ANO2: variants seen among roughly 807,000 people sequenced by gnomAD.
ANO2 encodes the protein anoctamin 2.
Under a neutral mutation model 124.2 loss-of-function variants are expected in ANO2, and 101 were observed. That is an observed-to-expected ratio of 0.81 (90% confidence interval 0.69 to 0.96). The LOEUF is 0.96. ANO2 is among the 40% of genes least tolerant of loss of function. ANO2 has a pLI of 0.00. For missense variants in ANO2, 1,293 were observed against 1,274.5 expected (o/e 1.01, Z -0.22); for synonymous variants, 486 against 482.5 (o/e 1.01, Z -0.09).
intron 20 of ANO2, among the ~76,000 whole-genome samples, chr12:5,583,428 C>T (rs1035196319): frequency 1.5e-4 from 23 of 151,756 alleles, no homozygotes; most frequent in South Asian, 1.0e-3. Context: ...CCGAGGCGGG[C>T]GGATCACAAG....
chr12:5,588,962 C>T (rs1943258558), intron 20 of ANO2, among the ~76,000 whole-genome samples: 1 of 152,160 alleles, frequency 6.6e-6, no homozygotes, highest in Non-Finnish European at 1.5e-5. Flanking sequence ...ACCTGACACC[C>T]TGGGAACATG....
At chr12:5,576,578 C>T (rs1031184002) in intron 22 of ANO2, among the ~76,000 whole-genome samples, 2 of 152,160 alleles carry the variant, frequency 1.3e-5, no homozygotes, top group Admixed American at 6.5e-5. Flanking sequence ...AACGGAGACA[C>T]AGTGGAGAAA....
chr12:5,702,627 C>G (rs557883853), intron 14 of ANO2, among the ~76,000 whole-genome samples: 1 of 151,568 alleles, frequency 6.6e-6, no homozygotes, highest in South Asian at 2.1e-4. Context: ...CTCTTCCGCA[C>G]TCTATACACA....
At chr12:5,609,391 C>T (rs1944371236) in intron 19 of ANO2, among the ~76,000 whole-genome samples, 2 of 152,026 alleles carry the variant, frequency 1.3e-5, no homozygotes, top group African/African-American at 2.4e-5. Context: ...TGAGGTTGTC[C>T]CAGTACAAGG....
intron 15 of ANO2, among the ~76,000 whole-genome samples, chr12:5,641,046 A>G (rs933597715): frequency 1.9e-4 from 29 of 152,258 alleles, no homozygotes; most frequent in Non-Finnish European, 4.0e-4. Flanking sequence ...ATGCAGCCAT[A>G]AAAATGGATG....
At chr12:5,721,824 C>G (rs1950247681) in intron 14 of ANO2, among the ~76,000 whole-genome samples, 1 of 152,168 alleles carries the variant, frequency 6.6e-6, no homozygotes, top group African/African-American at 2.4e-5. Flanking sequence ...GTTCGTTATG[C>G]AGCTGTTCCC....
At chr12:5,940,215 G>A (rs11063945) in intron 1 of ANO2, among the ~76,000 whole-genome samples, 5 of 152,076 alleles carry the variant, frequency 3.3e-5, no homozygotes, top group East Asian at 1.9e-4. Flanking sequence ...TTGCCTTCCC[G>A]TTTGATATGG....
At position 5,900,872 on chromosome 12, in the gene ANO2, C is replaced by A. The variant is rs2136281115; in HGVS notation, c.534+20168G>T. 6.6e-6 allele frequency among the ~76,000 whole-genome samples: 1 copy of A among 152,322 alleles called. No homozygotes were observed. Among genetic ancestry groups the A allele is most frequent in the African/African-American group, 2.4e-5 (1 of 41,564 alleles). ...CTCCTTGTTCTCGGCTCAGGAGACT[C>A]AGAGAAAGCCCAACAGCTGGGACAG... On this transcript the variant is annotated intron_variant, in intron 3 of 24. Coordinates refer to ENST00000682330, the MANE Select transcript of ANO2 (RefSeq NM_001364791.2). The surrounding 1 kb of genome is among the most constrained non-coding windows in gnomAD (Gnocchi z 4.2).
Position 5,799,491 on chromosome 12 carries a change from C to G in ANO2, c.1055+16G>C. On this transcript the variant is annotated intron_variant, in intron 10 of 24. Coordinates refer to ENST00000682330, the MANE Select transcript of ANO2 (RefSeq NM_001364791.2). Reference sequence around the variant, plus strand: ...CATCTCCAGGATACTTCCAAAAGTTCCCTACCACCTCTTACCTGATGAGGT... The same window carrying G: ...CATCTCCAGGATACTTCCAAAAGTTGCCTACCACCTCTTACCTGATGAGGT... 1 of 1,611,234 alleles carries G rather than the reference C, an allele frequency of 6.2e-7. No homozygotes were observed. Among genetic ancestry groups the G allele is most frequent in the South Asian group, 1.1e-5 (1 of 90,694 alleles).
At chr12:5,580,004 A>T (rs1283390650) in intron 20 of ANO2, among the ~76,000 whole-genome samples, 1 of 152,198 alleles carries the variant, frequency 6.6e-6, no homozygotes, top group Non-Finnish European at 1.5e-5. Context: ...ACTTGCTCAC[A>T]CATCTTTATT....
intron 1 of ANO2, among the ~76,000 whole-genome samples, chr12:5,931,813 GATA>G (rs1261844956): frequency 0.024 from 3,307 of 137,262 alleles, 95 homozygotes; most frequent in Admixed American, 0.052. Context: ...GAGGAAAGAA[GATA>G]GACTAGTAAG....
rs775293529 is a variant in ANO2, at chr12:5,733,067, T to C, written c.1435-437A>G. 164 of 665,794 alleles carry C rather than the reference T, an allele frequency of 2.5e-4. No individual in the cohort carries two copies. In the Middle Eastern group the frequency reaches 9.2e-3, roughly 38 times the overall value. The allele number at this position is 665,794 out of a possible 1,614,324, so 41.2% of individuals were successfully genotyped here. A position where few individuals can be genotyped will look rare whatever the true frequency, so the allele number is the denominator to read the frequency against. ...CAACTCCCAGCTGGAGAAACAGATG[T>C]GCCCCACAGCTGGGAGTGAGGGCAA... On this transcript the variant is annotated intron_variant, in intron 13 of 24. Coordinates refer to ENST00000682330, the MANE Select transcript of ANO2 (RefSeq NM_001364791.2).
chr12:5,690,472 G>C (rs1223009804), intron 14 of ANO2, among the ~76,000 whole-genome samples: 1 of 152,210 alleles, frequency 6.6e-6, no homozygotes, highest in African/African-American at 2.4e-5. Flanking sequence ...AACTTGGCCA[G>C]CTATGGATTC....
At chr12:5,722,143 T>C (rs1303177924) in intron 14 of ANO2, among the ~76,000 whole-genome samples, 1 of 152,190 alleles carries the variant, frequency 6.6e-6, no homozygotes, top group African/African-American at 2.4e-5. Flanking sequence ...TGTTCCACAA[T>C]GATTTTGTGC....
chr12:5,826,836 G>A (rs1005526717), intron 7 of ANO2, among the ~76,000 whole-genome samples: 3 of 152,022 alleles, frequency 2.0e-5, no homozygotes, highest in African/African-American at 7.3e-5. Flanking sequence ...TGTTATTCCT[G>A]AGCCTGATCA....
intron 13 of ANO2, among the ~76,000 whole-genome samples, chr12:5,735,006 G>A (rs757893131): frequency 2.6e-5 from 4 of 152,126 alleles, no homozygotes; most frequent in African/African-American, 7.2e-5. Context: ...ACAAGAATCC[G>A]AAACTCAAAG....
chr12:5,637,349 G>GTT (rs1178483925), intron 15 of ANO2, among the ~76,000 whole-genome samples: 1 of 151,362 alleles, frequency 6.6e-6, no homozygotes, highest in Non-Finnish European at 1.5e-5. Flanking sequence ...ATGTGTGTGT[G>GTT]TGTGTGTGTG....
At chr12:5,578,125 C>G (rs1182438225) in intron 21 of ANO2, 118 bp from the exon 22 acceptor site, 107 of 1,332,214 alleles carry the variant, frequency 8.0e-5, no homozygotes, top group Non-Finnish European at 1.1e-4. Context: ...CTGGGCCCCC[C>G]CAGAATGGGC....
rs116553292 is a variant in ANO2, at chr12:5,647,813, C to A, written c.1546-12G>T. The A allele has an allele frequency of 1.4e-3, 2,259 of 1,602,544 alleles. 28 individuals carry two copies. In the African/African-American group the frequency reaches 0.027, roughly 19 times the overall value. On this transcript the variant is annotated splice_polypyrimidine_tract_variant and intron_variant, in intron 14 of 24. Coordinates refer to ENST00000682330, the MANE Select transcript of ANO2 (RefSeq NM_001364791.2). ...TTATCTTCATCATCCTGGGGAGAAA[C>A]GGGAGAGTAGAGACAATCAGGAGGC...
Sources: allele counts gnomAD v4.1 joint callset (sites outside exome capture counted in the v4.1 genomes callset), GRCh38; gene constraint gnomAD v4.1.1; non-coding constraint Gnocchi (gnomAD v3.1); transcripts MANE v1.5; gene names NCBI Gene and HGNC (gene_info 2026-07-23, HGNC 2026-07-21).